The following SLC35F3 variants were observed in gnomAD, a reference collection of about 807,000 sequenced individuals.
SLC35F3 encodes putative thiamine transporter SLC35F3.
SLC35F3 carries 25 observed loss-of-function variants against 49.9 expected under a neutral mutation model. The observed-to-expected ratio is 0.50, with a 90% CI of 0.37 to 0.70. SLC35F3 has a LOEUF of 0.70. Among genes scored for constraint, SLC35F3 ranks in the 30% least tolerant of loss-of-function variants. The probability of loss-of-function intolerance (pLI) is 0.00; values close to 1 mark genes in which losing one functional copy is unlikely to be tolerated. For synonymous variants in SLC35F3, 275 were observed against 265.4 expected (o/e 1.04, Z -0.35); for missense variants, 525 against 639.8 (o/e 0.82, Z 1.94).
intron 2 of SLC35F3, among the ~76,000 whole-genome samples, chr1:234,031,427 G>C (rs1664060492): frequency 6.6e-6 from 1 of 152,226 alleles, no homozygotes; most frequent in Admixed American, 6.5e-5. Flanking sequence ...TGATGCCATA[G>C]AATGGTAACT....
intron 2 of SLC35F3, among the ~76,000 whole-genome samples, chr1:234,222,011 A>ATGTGCATGTATGTGAGCATATG (rs1361808748): frequency 6.6e-6 from 1 of 152,222 alleles, no homozygotes; most frequent in Non-Finnish European, 1.5e-5. Context: ...GGAATCTAGC[A>ATGTGCATGTATGTGAGCATATG]TGTGCATGTA....
chr1:234,022,865 G>T (rs1048184772), intron 2 of SLC35F3, among the ~76,000 whole-genome samples: 24 of 152,222 alleles, frequency 1.6e-4, no homozygotes, highest in African/African-American at 5.8e-4. Flanking sequence ...TCCATGCTAT[G>T]CCAATCCTGC....
intron 2 of SLC35F3, among the ~76,000 whole-genome samples, chr1:234,064,494 TC>T (rs1194557881): frequency 3.3e-5 from 5 of 152,188 alleles, no homozygotes; most frequent in African/African-American, 1.2e-4. Context: ...CAAGATGTTT[TC>T]CTAGATGTTT....
intron 2 of SLC35F3, among the ~76,000 whole-genome samples, chr1:233,945,043 A>G (rs1048171981): frequency 6.6e-6 from 1 of 152,074 alleles, no homozygotes; most frequent in African/African-American, 2.4e-5. Flanking sequence ...ACCTGTGAGC[A>G]TATATGAGAG....
At chr1:234,042,762 C>A (rs1398354451) in intron 2 of SLC35F3, among the ~76,000 whole-genome samples, 1 of 152,110 alleles carries the variant, frequency 6.6e-6, no homozygotes, top group Non-Finnish European at 1.5e-5. Context: ...GTGCGTGTAA[C>A]CTTTTCCTTT....
chr1:234,139,951 T>TAATAAAATAAAATAAAATAA (rs1553308858), intron 2 of SLC35F3, among the ~76,000 whole-genome samples: 11,174 of 90,462 alleles, frequency 0.12, 1,726 homozygotes, highest in East Asian at 0.37. Flanking sequence ...CATCTCAAAA[T>TAATAAAATAAAATAAAATAA]AATAAAATAA....
intron 2 of SLC35F3, among the ~76,000 whole-genome samples, chr1:234,166,201 G>A (rs1407889628): frequency 6.6e-6 from 1 of 152,060 alleles, no homozygotes; most frequent in East Asian, 1.9e-4. Flanking sequence ...TGAGCAGAAA[G>A]TACAGAGAGT....
chr1:233,978,177 G>T (rs755134996), intron 2 of SLC35F3, among the ~76,000 whole-genome samples: 6 of 152,112 alleles, frequency 3.9e-5, no homozygotes, highest in Non-Finnish European at 8.8e-5. Context: ...GAAAAAAAAA[G>T]GTAGTAAAGG....
At chr1:234,028,764 A>G (rs183558673) in intron 2 of SLC35F3, among the ~76,000 whole-genome samples, 1 of 152,296 alleles carries the variant, frequency 6.6e-6, no homozygotes, top group Admixed American at 6.5e-5. Flanking sequence ...ATCTCTTCCT[A>G]TAACAGTGCC....
intron 2 of SLC35F3, among the ~76,000 whole-genome samples, chr1:233,975,166 C>T (rs546630511): frequency 9.5e-4 from 144 of 152,364 alleles, no homozygotes; most frequent in Non-Finnish European, 1.7e-3. Flanking sequence ...AACAACTGCT[C>T]TGTGCCCTTC....
chr1:234,122,496 G>C (rs576447069), intron 2 of SLC35F3, among the ~76,000 whole-genome samples: 1 of 152,274 alleles, frequency 6.6e-6, no homozygotes, highest in East Asian at 1.9e-4. Context: ...TACATGTGTA[G>C]AACGTGCAGG....
chr1:234,250,430 G>A (rs904818924), intron 3 of SLC35F3, among the ~76,000 whole-genome samples: 6 of 152,014 alleles, frequency 3.9e-5, no homozygotes, highest in South Asian at 2.1e-4. Context: ...CGAGGCGGGC[G>A]GATCACGAGG....
At chr1:234,247,698 G>A in intron 3 of SLC35F3, among the ~76,000 whole-genome samples, 1 of 151,694 alleles carries the variant, frequency 6.6e-6, no homozygotes, top group Admixed American at 6.6e-5. Flanking sequence ...CTGGTCCATT[G>A]TTCAGTGGGT....
intron 2 of SLC35F3, among the ~76,000 whole-genome samples, chr1:233,975,482 G>A (rs141072990): frequency 6.6e-6 from 1 of 152,368 alleles, no homozygotes; most frequent in Non-Finnish European, 1.5e-5. Context: ...CTGGCAGATT[G>A]TGTTTGGGGG....
chr1:233,928,954 T>A (rs1377899035), intron 2 of SLC35F3, among the ~76,000 whole-genome samples: 1 of 152,118 alleles, frequency 6.6e-6, no homozygotes. Flanking sequence ...AAAATTAAAT[T>A]AAATTTAAAT....
rs200479107 is a variant in SLC35F3 at position 234,234,513 on chromosome 1, AC to A, written c.608+2773del. Among the ~76,000 whole-genome samples, 943 of 152,246 alleles carry A rather than the reference AC, an allele frequency of 6.2e-3. 3 individuals are homozygous for A. Among genetic ancestry groups the A allele is most frequent in the Middle Eastern group, 0.027 (8 of 294 alleles). On this transcript the variant is annotated intron_variant, in intron 3 of 7. Coordinates refer to ENST00000366618, the MANE Select transcript of SLC35F3 (RefSeq NM_173508.4). ...ATCTGAGATTCCGCTTTTCTAGGGA[AC>A]TTCCAGGGAATCCTAGTGCTGCTGG...
intron 2 of SLC35F3, among the ~76,000 whole-genome samples, chr1:234,230,743 G>T (rs1667354367): frequency 1.3e-5 from 2 of 152,210 alleles, no homozygotes. Context: ...GCTGCCAGAG[G>T]TTGTGGTTTT....
chr1:234,177,203 G>A (rs1263615748), intron 2 of SLC35F3, among the ~76,000 whole-genome samples: 1 of 152,200 alleles, frequency 6.6e-6, no homozygotes, highest in African/African-American at 2.4e-5. Context: ...CATGTAAGAT[G>A]TGACTTGCTC....
intron 2 of SLC35F3, among the ~76,000 whole-genome samples, chr1:233,969,084 C>T (rs1322866901): frequency 6.6e-6 from 1 of 151,912 alleles, no homozygotes; most frequent in African/African-American, 2.4e-5. Context: ...CAATTCAACC[C>T]ATAACATAGA....
Sources: gnomAD v4.1 joint callset for allele counts (sites outside exome capture counted in the v4.1 genomes callset) on GRCh38, gnomAD v4.1.1 for gene constraint, MANE v1.5 for transcripts, NCBI Gene and HGNC (gene_info 2026-07-23, HGNC 2026-07-21) for gene names.